AGAP1: variants seen among roughly 807,000 people sequenced by gnomAD.
AGAP1 encodes ArfGAP with GTPase domain, ankyrin repeat and PH domain 1.
Under a neutral mutation model 105.3 loss-of-function variants are expected in AGAP1, and 29 were observed. That is an observed-to-expected ratio of 0.28 (90% CI 0.21 to 0.38). AGAP1 has a LOEUF of 0.38. AGAP1 is among the 10% of genes least tolerant of loss of function. The probability of loss-of-function intolerance (pLI) is 1.00; values close to 1 mark genes in which losing one functional copy is unlikely to be tolerated. For synonymous variants in AGAP1, 509 were observed against 485.9 expected (o/e 1.05, Z -0.63); for missense variants, 998 against 1,165.1 (o/e 0.86, Z 2.09).
intron 9 of AGAP1, among the ~76,000 whole-genome samples, chr2:235,869,186 A>G (rs901070450): frequency 2.6e-5 from 4 of 152,142 alleles, no homozygotes; most frequent in Non-Finnish European, 5.9e-5. Context: ...GGTAACAAGT[A>G]TAAACCCTTG....
chr2:235,785,942 G>T (rs1159054693), intron 6 of AGAP1, among the ~76,000 whole-genome samples: 2 of 152,214 alleles, frequency 1.3e-5, no homozygotes, highest in African/African-American at 4.8e-5. Flanking sequence ...AAGTCCCGTA[G>T]CTTTGCCTGG....
chr2:235,834,254 G>A (rs1009865450), intron 9 of AGAP1, among the ~76,000 whole-genome samples: 34 of 152,200 alleles, frequency 2.2e-4, no homozygotes, highest in Non-Finnish European at 4.4e-4. Flanking sequence ...TGGCCATGGG[G>A]TTTGTGTCTC....
chr2:235,511,895 A>T (rs12466267), intron 1 of AGAP1, among the ~76,000 whole-genome samples: 130 of 12,598 alleles, frequency 0.01, no homozygotes, highest in East Asian at 0.017. Context: ...TGTGAATGTG[A>T]GTGTGAATGA....
At chr2:236,069,281 A>G (rs557787626) in intron 16 of AGAP1, among the ~76,000 whole-genome samples, 6 of 152,342 alleles carry the variant, frequency 3.9e-5, no homozygotes, top group Admixed American at 6.5e-5. Context: ...GTAAATATAC[A>G]TACGTTATGA....
chr2:236,081,332 C>T lies in AGAP1; in HGVS notation c.2114+32051C>T, dbSNP rs545318959. Among the ~76,000 whole-genome samples the T allele has an allele frequency of 3.1e-3, 468 of 152,250 alleles. 1 individual carries two copies. Among genetic ancestry groups the T allele is most frequent in the Non-Finnish European group, 5.4e-3 (368 of 68,018 alleles). On this transcript the variant is annotated intron_variant, in intron 16 of 17. Coordinates refer to ENST00000304032, the MANE Select transcript of AGAP1 (RefSeq NM_001037131.3). ...AATAAAAAGAGAGTAACTACACTTG[C>T]CATACTGACCCCCCAGGTTGTATGG... is the stretch of plus-strand genomic sequence containing the variant.
intron 1 of AGAP1, among the ~76,000 whole-genome samples, chr2:235,641,577 A>T (rs908878708): frequency 6.6e-6 from 1 of 152,110 alleles, no homozygotes; most frequent in Non-Finnish European, 1.5e-5. Flanking sequence ...TCTCCCGCCC[A>T]CGCGGCTGTG....
intron 1 of AGAP1, among the ~76,000 whole-genome samples, chr2:235,545,110 C>T (rs1327318254): frequency 1.3e-5 from 2 of 152,092 alleles, no homozygotes; most frequent in Non-Finnish European, 2.9e-5. Context: ...GGTCTGTTAG[C>T]GGAAATATGA....
rs1259816190 is a variant in AGAP1 at position 235,891,021 on chromosome 2, T to A, written c.1155+7572T>A. 1.3e-5 allele frequency among the ~76,000 whole-genome samples: 2 copies of A among 150,156 alleles called. No homozygotes were observed. ...AAATGAAACCAAAACCCAGTTGAGA[T>A]AACAGATAGAAAACTCAACCAAATA... On this transcript the variant is annotated intron_variant, in intron 10 of 17. Coordinates refer to ENST00000304032, the MANE Select transcript of AGAP1 (RefSeq NM_001037131.3). This position sits in a 1 kb window ranked among gnomAD's most constrained non-coding sequence, Gnocchi z 4.2.
chr2:235,622,867 G>A lies in AGAP1; in HGVS notation c.164-86312G>A, dbSNP rs1340406257. ...GTCATTGTAGAAAGTAAGATGTGAT[G>A]TTAATAGTCTCTTCTTGGAGTCAGC... On this transcript the variant is annotated intron_variant, in intron 1 of 17. Transcript: ENST00000304032. The surrounding 1 kb of genome is among the most constrained non-coding windows in gnomAD (Gnocchi z 5.0). 6.6e-6 allele frequency among the ~76,000 whole-genome samples: 1 copy of A among 152,100 alleles called. No individual in the cohort carries two copies. Among genetic ancestry groups the A allele is most frequent in the Non-Finnish European group, 1.5e-5 (1 of 68,030 alleles).
chr2:235,946,791 G>A (rs922260751), intron 12 of AGAP1, among the ~76,000 whole-genome samples: 3 of 152,024 alleles, frequency 2.0e-5, no homozygotes, highest in Non-Finnish European at 4.4e-5. Context: ...GCACTGTGTG[G>A]TCCCGCCCCT....
chr2:235,699,911 A>T (rs958770363), intron 1 of AGAP1, among the ~76,000 whole-genome samples: 2 of 152,180 alleles, frequency 1.3e-5, no homozygotes, highest in African/African-American at 4.8e-5. Flanking sequence ...TTTGGAGGCA[A>T]CCTCAGGCTG....
At chr2:235,844,532 A>G (rs914002675) in intron 9 of AGAP1, among the ~76,000 whole-genome samples, 2 of 152,138 alleles carry the variant, frequency 1.3e-5, no homozygotes, top group African/African-American at 2.4e-5. Flanking sequence ...TGCAGACTAG[A>G]AATAGTCCCC....
Position 235,783,764 on chromosome 2 carries a change from CAG to C in AGAP1, c.674-13994_674-13993del, listed in dbSNP as rs1221507973. On this transcript the variant is annotated intron_variant, in intron 6 of 17. Coordinates refer to ENST00000304032, the MANE Select transcript of AGAP1 (RefSeq NM_001037131.3). Reference sequence around the variant, plus strand: ...TTGGGGGTGGCCCAGAGGAACTCCTCAGGGGGATATTTTCATCGTGGCTTGGG... The same window carrying C: ...TTGGGGGTGGCCCAGAGGAACTCCTCGGGGATATTTTCATCGTGGCTTGGG... Among the ~76,000 whole-genome samples the C allele has an allele frequency of 2.6e-5, 4 of 152,002 alleles. No individual in the cohort carries two copies. The East Asian group carries it at 7.7e-4, about 29-fold the overall frequency.
chr2:235,781,307 G>A (rs369730515), intron 6 of AGAP1, among the ~76,000 whole-genome samples: 2 of 152,200 alleles, frequency 1.3e-5, no homozygotes, highest in South Asian at 2.1e-4. Context: ...AATCTGTCCA[G>A]GGGTTCGACA....
intron 8 of AGAP1, among the ~76,000 whole-genome samples, chr2:235,805,309 T>C (rs990684349): frequency 1.3e-5 from 2 of 152,210 alleles, no homozygotes; most frequent in Non-Finnish European, 2.9e-5. Context: ...CTAAGGTGTT[T>C]ACAGCAGGGC....
At chr2:235,984,528 G>A (rs2055227071) in intron 13 of AGAP1, among the ~76,000 whole-genome samples, 1 of 149,414 alleles carries the variant, frequency 6.7e-6, no homozygotes. Context: ...AGATTGTGCA[G>A]GTTTGTTACA....
chr2:235,804,242 C>T (rs1429124465), intron 8 of AGAP1, among the ~76,000 whole-genome samples: 2 of 152,150 alleles, frequency 1.3e-5, no homozygotes, highest in African/African-American at 4.8e-5. Context: ...TGAAATTATA[C>T]ATTACATGGC....
intron 10 of AGAP1, among the ~76,000 whole-genome samples, chr2:235,894,301 A>C (rs1163858968): frequency 6.6e-6 from 1 of 152,142 alleles, no homozygotes; most frequent in Non-Finnish European, 1.5e-5. Flanking sequence ...CCGAAGAGAT[A>C]ATCCCCATTG....
chr2:235,706,039 C>T (rs1950517601), intron 1 of AGAP1, among the ~76,000 whole-genome samples: 1 of 152,000 alleles, frequency 6.6e-6, no homozygotes, highest in South Asian at 2.1e-4. Context: ...TTCTTATGTG[C>T]CAAATGGAAT....
Sources: allele counts gnomAD v4.1 joint callset (sites outside exome capture counted in the v4.1 genomes callset), GRCh38; gene constraint gnomAD v4.1.1; non-coding constraint Gnocchi (gnomAD v3.1); transcripts MANE v1.5; gene names NCBI Gene and HGNC (gene_info 2026-07-23, HGNC 2026-07-21).